The following SOCS5 variants were observed in gnomAD, a reference collection of about 807,000 sequenced individuals.
SOCS5 encodes CIS-6.
A neutral mutation model predicts 42.8 loss-of-function variants in SOCS5; 32 were observed. The observed-to-expected ratio is 0.75, with a 90% CI of 0.56 to 1.01. SOCS5 has a LOEUF of 1.01. Ranked by LOEUF, SOCS5 falls within the 50% of genes least tolerant of loss-of-function variation. The pLI is 0.00. For synonymous variants in SOCS5, 283 were observed against 229.6 expected, an observed-to-expected ratio of 1.23 and a Z score of -2.10; for missense variants, 627 against 653.0, an observed-to-expected ratio of 0.96 and a Z score of 0.43.
chr2:46,726,237 C>T (rs1672986812), intron 1 of SOCS5, among the ~76,000 whole-genome samples: 1 of 152,116 alleles, frequency 6.6e-6, no homozygotes, highest in Non-Finnish European at 1.5e-5. Flanking sequence ...GTTGGGATTA[C>T]AGGCGTGCAC....
intron 1 of SOCS5, among the ~76,000 whole-genome samples, chr2:46,712,233 C>T (rs571528678): frequency 1.3e-5 from 2 of 150,994 alleles, no homozygotes; most frequent in South Asian, 2.1e-4. Context: ...AACTCTTTCA[C>T]CATTGTATAT....
chr2:46,707,209 T>C (rs41418551), intron 1 of SOCS5, among the ~76,000 whole-genome samples: 1,614 of 152,282 alleles, frequency 0.011, 16 homozygotes, highest in Admixed American at 0.016. Flanking sequence ...AAAAGGTGGG[T>C]ATTACATCTA....
At chr2:46,727,751 G>A (rs1186114587) in intron 1 of SOCS5, among the ~76,000 whole-genome samples, 3 of 152,168 alleles carry the variant, frequency 2.0e-5, no homozygotes, top group African/African-American at 7.2e-5. Flanking sequence ...CTGGGATGAA[G>A]CCAGGAGTTT....
At position 46,761,418 on chromosome 2, in the gene SOCS5, G is replaced by A. The variant is rs575720402; in HGVS notation, c.*1277G>A. 3 of 167,182 alleles carry A rather than the reference G, an allele frequency of 1.8e-5. No individual in the cohort carries two copies. The highest frequency in any genetic ancestry group is 4.4e-5 in the Non-Finnish European group (3 of 68,112). 10.4% of individuals were successfully genotyped at this position (167,182 alleles called of 1,614,324 possible). A position where few individuals can be genotyped will look rare whatever the true frequency, so the allele number is the denominator to read the frequency against. On this transcript the variant is annotated 3_prime_UTR_variant, in exon 2 of 2. Coordinates refer to ENST00000394861, the MANE Select transcript of SOCS5 (RefSeq NM_144949.3). The stretch of plus-strand genomic sequence containing the variant: ...TTAATGTGCTCTGTACCACTGGTGA[G>A]TGCTCCATAGTTTCCTTACCTGCTG...
At chr2:46,717,146 C>G (rs1372270482) in intron 1 of SOCS5, among the ~76,000 whole-genome samples, 1 of 152,168 alleles carries the variant, frequency 6.6e-6, no homozygotes, top group Non-Finnish European at 1.5e-5. Context: ...AGCACTTTCT[C>G]TGTGTAACTT....
chr2:46,729,854 T>C (rs978000113), intron 1 of SOCS5, among the ~76,000 whole-genome samples: 6 of 152,246 alleles, frequency 3.9e-5, no homozygotes, highest in Non-Finnish European at 7.3e-5. Context: ...TAATTCTTTA[T>C]AACTTTTTGC....
intron 1 of SOCS5, among the ~76,000 whole-genome samples, chr2:46,714,816 ATTATCTGCCTGT>A (rs1206952673): frequency 5.9e-5 from 9 of 151,890 alleles, no homozygotes; most frequent in Middle Eastern, 6.8e-3. Context: ...TTTTTCCTTG[ATTATCTGCCTGT>A]TTTTGGATGG....
At chr2:46,728,681 G>A (rs949132028) in intron 1 of SOCS5, among the ~76,000 whole-genome samples, 1 of 152,012 alleles carries the variant, frequency 6.6e-6, no homozygotes, top group Non-Finnish European at 1.5e-5. Flanking sequence ...TCAGCCTCCC[G>A]AATAGCTGGG....
In SOCS5 at chr2:46,758,596, G is replaced by A. The variant is rs781084154; in HGVS notation, c.66G>A (p.Glu22=). The A allele has an allele frequency of 1.4e-5, 23 of 1,613,372 alleles. No homozygotes were observed. In the East Asian group the frequency reaches 4.9e-4, roughly 34 times the overall value. ...KYRCQNLFGH[E]GGSRSENVDM... ...GGTGTCAGAATCTCTTCGGTCATGAGGGAGGAAGCCGTAGTGAAAATGTGG... is the reference window on the plus strand; with the variant it reads ...GGTGTCAGAATCTCTTCGGTCATGAAGGAGGAAGCCGTAGTGAAAATGTGG... The change falls in exon 2 of 2, where the codon GAG becomes GAA. Residue 22 remains glutamate, a synonymous_variant. Coordinates refer to ENST00000394861, the MANE Select transcript of SOCS5 (RefSeq NM_144949.3).
intron 1 of SOCS5, among the ~76,000 whole-genome samples, chr2:46,742,734 C>T (rs1369988670): frequency 2.0e-5 from 3 of 151,990 alleles, no homozygotes; most frequent in Admixed American, 6.6e-5. Flanking sequence ...GGCGCGATCT[C>T]GGCTCACTGC....
intron 1 of SOCS5, among the ~76,000 whole-genome samples, chr2:46,726,952 C>T (rs1433974113): frequency 6.6e-6 from 1 of 151,626 alleles, no homozygotes; most frequent in Non-Finnish European, 1.5e-5. Context: ...GACGGGGTTT[C>T]TCCATGTTGG....
At chr2:46,700,193 G>A (rs1246514371) in intron 1 of SOCS5, among the ~76,000 whole-genome samples, 1 of 152,166 alleles carries the variant, frequency 6.6e-6, no homozygotes, top group African/African-American at 2.4e-5. Context: ...TCTTGGTTTG[G>A]TTCCGAACTT....
intron 1 of SOCS5, among the ~76,000 whole-genome samples, chr2:46,752,506 A>G (rs1029673990): frequency 1.3e-5 from 2 of 152,102 alleles, no homozygotes; most frequent in Non-Finnish European, 2.9e-5. Flanking sequence ...TCTTTATTAT[A>G]TATGTATGTA....
chr2:46,747,656 C>T (rs1334431875), intron 1 of SOCS5, among the ~76,000 whole-genome samples: 1 of 152,106 alleles, frequency 6.6e-6, no homozygotes, highest in East Asian at 1.9e-4. Context: ...ATTGTACTTA[C>T]ACGTAGTACT....
chr2:46,754,510 C>G (rs1404529884), intron 1 of SOCS5, among the ~76,000 whole-genome samples: 3 of 151,980 alleles, frequency 2.0e-5, no homozygotes, highest in African/African-American at 7.2e-5. Flanking sequence ...ATGGCATGAA[C>G]AGGTTTGGAA....
chr2:46,701,751 A>G (rs1224772543), intron 1 of SOCS5, among the ~76,000 whole-genome samples: 1 of 135,904 alleles, frequency 7.4e-6, no homozygotes, highest in Admixed American at 7.9e-5. Context: ...GAAAGAGACA[A>G]ACTGTCATTT....
At chr2:46,704,896 C>G (rs1365973471) in intron 1 of SOCS5, among the ~76,000 whole-genome samples, 1 of 152,034 alleles carries the variant, frequency 6.6e-6, no homozygotes, top group African/African-American at 2.4e-5. Flanking sequence ...CAGCATTGGG[C>G]TCTGAGGGTT....
intron 1 of SOCS5, among the ~76,000 whole-genome samples, chr2:46,741,784 C>T (rs1370563251): frequency 6.6e-6 from 1 of 152,132 alleles, no homozygotes; most frequent in African/African-American, 2.4e-5. Flanking sequence ...AACCATTCTT[C>T]TATTCACTGA....
rs773033292 is a variant in SOCS5 at position 46,758,910 on chromosome 2, C to T, written c.380C>T (p.Ser127Phe). 14 of 1,613,886 alleles carry T rather than the reference C, an allele frequency of 8.7e-6. No individual in the cohort carries two copies. The highest frequency in any genetic ancestry group is 1.1e-5 in the South Asian group (1 of 91,084). Residue 127 changes from serine to phenylalanine, a missense_variant, in exon 2 of 2, where the codon TCC becomes TTC. Physicochemically the swap from Ser to Phe is radical, Grantham distance 155. Coordinates refer to ENST00000394861, the MANE Select transcript of SOCS5 (RefSeq NM_144949.3). ...HAPWGGKKKH[S>F]CSTKTQSSLD... ...CCATGGGGTGGGAAGAAAAAACATT[C>T]CTGTTCTACAAAGACCCAGAGTTCA...
Sources: gnomAD v4.1 joint callset for allele counts (sites outside exome capture counted in the v4.1 genomes callset) on GRCh38, gnomAD v4.1.1 for gene constraint, MANE v1.5 for transcripts, NCBI Gene and HGNC (gene_info 2026-07-23, HGNC 2026-07-21) for gene names.